EP400: variants seen among roughly 807,000 people sequenced by gnomAD.
The protein encoded by EP400 is E1A-binding protein p400.
A neutral mutation model predicts 354.1 loss-of-function variants in EP400; 105 were observed. The observed-to-expected ratio is 0.30, with a 90% confidence interval of 0.25 to 0.35. The LOEUF (loss-of-function observed/expected upper bound fraction) is 0.35, where lower values mean the gene tolerates loss of function less well. Ranked by LOEUF, EP400 falls within the 10% of genes least tolerant of loss-of-function variation. The pLI, the probability that EP400 is intolerant of heterozygous loss-of-function variation, is 1.00. For missense variants in EP400, 3,280 were observed against 4,121.0 expected, an observed-to-expected ratio of 0.80 and a Z score of 5.59; for synonymous variants, 1,646 against 1,716.9, an observed-to-expected ratio of 0.96 and a Z score of 1.02.
intron 39 of EP400, among the ~76,000 whole-genome samples, chr12:132,047,649 C>T (rs138718533): frequency 0.047 from 6,845 of 146,952 alleles, no homozygotes; most frequent in Non-Finnish European, 0.07. Flanking sequence ...GGCGAGATCA[C>T]AGGACCACAG....
chr12:131,964,832 T>C (rs1469889944), intron 2 of EP400, among the ~76,000 whole-genome samples: 1 of 152,262 alleles, frequency 6.6e-6, no homozygotes, highest in African/African-American at 2.4e-5. Context: ...TGTACAGTAG[T>C]ACAATAATAC....
Position 132,013,453 on chromosome 12 carries a change from T to C in EP400, c.3612-37T>C, listed in dbSNP as rs764622591. On this transcript the variant is annotated intron_variant, in intron 17 of 52. Coordinates refer to ENST00000389561, the MANE Select transcript of EP400 (RefSeq NM_015409.5). The surrounding 1 kb of genome is among the most constrained non-coding windows in gnomAD (Gnocchi z 4.5). ...ATGCTGCTGCAGCCAGCCCCGTGGCTGTAGAACTCCAGTGTTGTCTCTTGT... is the reference window on the plus strand; with the variant it reads ...ATGCTGCTGCAGCCAGCCCCGTGGCCGTAGAACTCCAGTGTTGTCTCTTGT... 1.2e-5 allele frequency: 18 copies of C among 1,524,400 alleles called. No individual in the cohort carries two copies. Among genetic ancestry groups the C allele is most frequent in the Non-Finnish European group, 1.3e-5 (15 of 1,136,096 alleles). 94.4% of individuals were successfully genotyped at this position (1,524,400 alleles called of 1,614,324 possible). A position where few individuals can be genotyped will look rare whatever the true frequency, so the allele number is the denominator to read the frequency against.
In EP400 at chr12:132,064,759, C is replaced by T. The variant is rs1025677962; in HGVS notation, c.8426C>T (p.Ala2809Val). The change falls in exon 48 of 53, where the codon GCC (alanine) becomes GTC (valine). Residue 2809 changes from alanine (A) to valine (V), a missense_variant. By Grantham distance (64) the Ala-to-Val change is moderately conservative. This residue lies in a region of EP400 where 86 missense variants were observed against 66.4 expected (regional missense o/e 1.29). Transcript: ENST00000389561. ...CAGTCTGCGCCCCCGCAGCCAACAG[C>T]CCAAGTGCAAGTGCAGACCTCGCAG... ...QAQSAPPQPT[A>V]QVQVQTSQPP... The T allele has an allele frequency of 5.6e-6, 9 of 1,613,722 alleles. No homozygotes were observed. Among genetic ancestry groups the T allele is most frequent in the South Asian group, 1.1e-5 (1 of 91,070 alleles).
intron 48 of EP400, chr12:132,065,217 G>A: frequency 2.5e-6 from 1 of 405,470 alleles, no homozygotes; most frequent in South Asian, 3.6e-5. Flanking sequence ...TGTGTGGCTG[G>A]AGCAGAGGGC....
chr12:132,017,623 G>A lies in EP400; in HGVS notation c.4012G>A (p.Val1338Ile), dbSNP rs555342070. Residue 1338 changes from valine to isoleucine, a missense_variant, in exon 20 of 53, where the codon GTC (valine) becomes ATC (isoleucine). By Grantham distance (29) the Val-to-Ile change is conservative. Coordinates refer to ENST00000389561, the MANE Select transcript of EP400 (RefSeq NM_015409.5). The surrounding 1 kb of genome is among the most constrained non-coding windows in gnomAD (Gnocchi z 5.0). ...GCGCATCTGCAACCACCCTGGGCTC[G>A]TCGAGCCCCGGCACCCAGGCTCTTC... ...LQRICNHPGL[V>I]EPRHPGSSYV... 18 of 1,611,160 alleles carry A rather than the reference G, an allele frequency of 1.1e-5. No homozygotes were observed. The East Asian group carries it at 1.3e-4, about 12-fold the overall frequency.
chr12:131,968,620 A>G (rs1892181807), intron 2 of EP400, among the ~76,000 whole-genome samples: 1 of 152,094 alleles, frequency 6.6e-6, no homozygotes, highest in Non-Finnish European at 1.5e-5. Context: ...TCTTGCTGGG[A>G]TTTTGATTAG....
Position 131,960,705 on chromosome 12 carries a change from C to CGGGG in EP400, c.88_89insGGGG (p.Ala30GlyfsTer36). The stretch of plus-strand genomic sequence containing the variant: ...CCTGGCAGCGAGGGTGAGGAGCAGC[C>CGGGG]GGCCCACCCCAACCCACCCCCGTCC... On this transcript the variant is annotated frameshift_variant, in exon 2 of 53. Transcript: ENST00000389561. LOFTEE classifies it high-confidence loss of function. 1.0e-5 allele frequency: 16 copies of CGGGG among 1,547,124 alleles called. No homozygotes were observed. Among genetic ancestry groups the CGGGG allele is most frequent in the Non-Finnish European group, 1.4e-5 (16 of 1,147,362 alleles).
intron 39 of EP400, among the ~76,000 whole-genome samples, chr12:132,049,940 C>T (rs529668577): frequency 9.2e-5 from 14 of 152,290 alleles, no homozygotes; most frequent in East Asian, 5.8e-4. Flanking sequence ...CAGTGTTGTC[C>T]GTGGCAGTCC....
chr12:132,025,777 C>T lies in EP400; in HGVS notation c.4987C>T (p.Pro1663Ser). The T allele has an allele frequency of 6.2e-7, 1 of 1,610,580 alleles. No homozygotes were observed. The highest frequency in any genetic ancestry group is 8.5e-7 in the Non-Finnish European group (1 of 1,178,872). ...ALGSKPPAGG[P>S]SPAPLTPQVG... Reference sequence around the variant, plus strand: ...GGGAAGCAAGCCCCCGGCCGGCGGTCCCAGCCCTGCACCCTTGACCCCACA... The same window carrying T: ...GGGAAGCAAGCCCCCGGCCGGCGGTTCCAGCCCTGCACCCTTGACCCCACA... Residue 1663 changes from proline to serine, a missense_variant, in exon 25 of 53, where the codon CCC (proline) becomes TCC (serine). Pro to Ser is a moderately conservative substitution (Grantham distance 74). This residue lies in a region of EP400 where 459 missense variants were observed against 496.9 expected (regional missense o/e 0.92). Coordinates refer to ENST00000389561, the MANE Select transcript of EP400 (RefSeq NM_015409.5). This position sits in a 1 kb window ranked among gnomAD's most constrained non-coding sequence, Gnocchi z 4.1.
rs770006942 is a variant in EP400 at position 132,013,949 on chromosome 12, G to GTCCC, written c.3923+38_3923+41dup. ...GCTCTGGGCATGTGCCCCCTTTGCT[G>GTCCC]TCCCTGCCTGTGAGGGAAAACGGCC... On this transcript the variant is annotated intron_variant, in intron 19 of 52. Transcript: ENST00000389561. The surrounding 1 kb of genome is among the most constrained non-coding windows in gnomAD (Gnocchi z 4.5). The GTCCC allele has an allele frequency of 6.2e-7, 1 of 1,603,792 alleles. No individual in the cohort carries two copies. Among genetic ancestry groups the GTCCC allele is most frequent in the African/African-American group, 1.3e-5 (1 of 74,478 alleles).
At chr12:131,996,000 G>A (rs139801107) in intron 12 of EP400, among the ~76,000 whole-genome samples, 225 of 152,312 alleles carry the variant, frequency 1.5e-3, no homozygotes, top group Non-Finnish European at 2.5e-3. Flanking sequence ...TCATACGAAC[G>A]AATCCACCAC....
At chr12:131,953,913 G>A (rs1891603468) in intron 1 of EP400, among the ~76,000 whole-genome samples, 1 of 151,670 alleles carries the variant, frequency 6.6e-6, no homozygotes, top group Admixed American at 6.6e-5. Flanking sequence ...AGGAGTTTGA[G>A]ACCACCCTGG....
rs1895912536 is a variant in EP400 at position 132,066,977 on chromosome 12, C to A, written c.8749+8C>A. On this transcript the variant is annotated splice_region_variant and intron_variant, in intron 49 of 52. Transcript: ENST00000389561. ...AGCCACAGAAGGCAGCAGGTGCCCGCCCCAGCACACCCTCCCGTCCTGGGC... is the reference window on the plus strand; with the variant it reads ...AGCCACAGAAGGCAGCAGGTGCCCGACCCAGCACACCCTCCCGTCCTGGGC... 6.3e-7 allele frequency: 1 copy of A among 1,583,782 alleles called. No individual in the cohort carries two copies. Among genetic ancestry groups the A allele is most frequent in the East Asian group, 2.3e-5 (1 of 43,748 alleles).
chr12:131,979,413 G>A (rs1159876342), intron 2 of EP400, among the ~76,000 whole-genome samples: 3 of 152,036 alleles, frequency 2.0e-5, no homozygotes, highest in African/African-American at 7.2e-5. Context: ...CCCTTTTGTT[G>A]TTTCCCAAGG....
chr12:132,036,980 T>C (rs1411275687), intron 30 of EP400, among the ~76,000 whole-genome samples: 1 of 152,216 alleles, frequency 6.6e-6, no homozygotes, highest in Non-Finnish European at 1.5e-5. Context: ...TGAAAAAAAT[T>C]TTGTTTTCAT....
rs764103606 is a variant in EP400, at chr12:132,021,251, G to A, written c.4620G>A (p.Ser1540=). ...CCCCGCCCCAGCCCCAGGCCCCCTC[G>A]CACGCGGCCGGGCAGAGCGCGCTGC... ...GQPPPQPQAP[S]HAAGQSALPQ... Residue 1540 remains serine (S), a synonymous_variant, in exon 23 of 53, where the codon TCG becomes TCA. Transcript: ENST00000389561. 50 of 1,544,072 alleles carry A rather than the reference G, an allele frequency of 3.2e-5. No homozygotes were observed. The highest frequency in any genetic ancestry group is 1.2e-4 in the East Asian group (5 of 42,560).
At chr12:131,969,624 G>GTA (rs373192668) in intron 2 of EP400, among the ~76,000 whole-genome samples, 235 of 150,326 alleles carry the variant, frequency 1.6e-3, no homozygotes, top group African/African-American at 4.6e-3. Context: ...AGTGCACCTT[G>GTA]TATATATATA....
chr12:131,961,539 G>T lies in EP400; in HGVS notation c.920G>T (p.Gly307Val). ...GGCGTGCTGCTCCCCGGGGCTGGGG[G>T]CGCAGCGGGGTTTGGGATGACGTCC... ...TPGVLLPGAGGAAGFGMTSPP... is the reference protein window; with the variant it reads ...TPGVLLPGAGVAAGFGMTSPP... The change falls in exon 2 of 53, where the codon GGC (glycine) becomes GTC (valine). Residue 307 changes from glycine (G) to valine (V), a missense_variant. Coordinates refer to ENST00000389561, the MANE Select transcript of EP400 (RefSeq NM_015409.5). 2 of 1,565,288 alleles carry T rather than the reference G, an allele frequency of 1.3e-6. No individual in the cohort carries two copies. Among genetic ancestry groups the T allele is most frequent in the East Asian group, 2.4e-5 (1 of 42,226 alleles).
At chr12:132,011,249 G>C (rs776943625) in intron 15 of EP400, among the ~76,000 whole-genome samples, 24 of 152,182 alleles carry the variant, frequency 1.6e-4, no homozygotes, top group African/African-American at 5.5e-4. Context: ...TTCAATGTGT[G>C]TCTACTAAGG....
Sources: allele counts gnomAD v4.1 joint callset (sites outside exome capture counted in the v4.1 genomes callset), GRCh38; gene constraint gnomAD v4.1.1; regional missense constraint gnomAD v4.1.1; non-coding constraint Gnocchi (gnomAD v3.1); transcripts MANE v1.5; gene names NCBI Gene and HGNC (gene_info 2026-07-23, HGNC 2026-07-21).